The following LSAMP variants were observed in gnomAD, a reference collection of about 807,000 sequenced individuals.
LSAMP encodes the protein limbic system-associated membrane protein.
LSAMP carries 7 observed loss-of-function variants against 38.6 expected under a neutral mutation model. That is an observed-to-expected ratio of 0.18 (90% confidence interval 0.10 to 0.34). LSAMP has a LOEUF of 0.34. LSAMP is among the 10% of genes least tolerant of loss of function. The probability of loss-of-function intolerance (pLI) is 1.00; values close to 1 mark genes in which losing one functional copy is unlikely to be tolerated. For missense variants in LSAMP, 313 were observed against 420.0 expected, an observed-to-expected ratio of 0.75 and a Z score of 2.23; for synonymous variants, 154 against 166.8, an observed-to-expected ratio of 0.92 and a Z score of 0.59.
chr3:116,275,261 C>T (rs112113183), intron 1 of LSAMP, among the ~76,000 whole-genome samples: 10,491 of 151,998 alleles, frequency 0.069, 688 homozygotes, highest in African/African-American at 0.18. Flanking sequence ...CTATGTTGTC[C>T]AGGCTGGTCT....
At chr3:115,969,759 A>G (rs1474061662) in intron 3 of LSAMP, among the ~76,000 whole-genome samples, 1 of 152,222 alleles carries the variant, frequency 6.6e-6, no homozygotes, top group African/African-American at 2.4e-5. Context: ...CTTCTGGGGT[A>G]AGGCTCAGCA....
chr3:116,186,687 C>A (rs775732982), intron 1 of LSAMP, among the ~76,000 whole-genome samples: 13 of 152,146 alleles, frequency 8.5e-5, no homozygotes, highest in Non-Finnish European at 1.2e-4. Flanking sequence ...CATTTCTCCA[C>A]ACTCTTGCTT....
At chr3:116,267,175 C>T (rs1008811343) in intron 1 of LSAMP, among the ~76,000 whole-genome samples, 11 of 151,738 alleles carry the variant, frequency 7.2e-5, no homozygotes, top group African/African-American at 2.4e-4. Context: ...TTGAAGTTGG[C>T]GCCACTTGCA....
chr3:115,926,392 C>T (rs990473097), intron 3 of LSAMP, among the ~76,000 whole-genome samples: 18 of 152,152 alleles, frequency 1.2e-4, no homozygotes, highest in African/African-American at 3.9e-4. Flanking sequence ...GGAAATCACA[C>T]GGAAATGGTT....
chr3:115,976,727 T>C (rs978164412), intron 3 of LSAMP, among the ~76,000 whole-genome samples: 5 of 152,100 alleles, frequency 3.3e-5, no homozygotes, highest in East Asian at 3.9e-4. Context: ...GTTCTCATGA[T>C]AGTGAGTGAG....
intron 3 of LSAMP, among the ~76,000 whole-genome samples, chr3:115,962,967 T>C (rs1224478364): frequency 3.3e-5 from 5 of 152,170 alleles, no homozygotes; most frequent in Non-Finnish European, 1.5e-5. Context: ...GTTTAATAAA[T>C]TTGCAATAAA....
intron 3 of LSAMP, among the ~76,000 whole-genome samples, chr3:115,873,967 C>T (rs1936115373): frequency 6.6e-6 from 1 of 152,078 alleles, no homozygotes; most frequent in Non-Finnish European, 1.5e-5. Context: ...TGACTACTAC[C>T]CATTTGCAGG....
At chr3:116,290,761 T>G (rs2047255479) in intron 1 of LSAMP, among the ~76,000 whole-genome samples, 1 of 147,646 alleles carries the variant, frequency 6.8e-6, no homozygotes, top group African/African-American at 2.5e-5. Flanking sequence ...ATAATAATAA[T>G]AATAATAATA....
chr3:116,355,568 A>G (rs951819380), intron 1 of LSAMP, among the ~76,000 whole-genome samples: 1 of 152,208 alleles, frequency 6.6e-6, no homozygotes, highest in Admixed American at 6.5e-5. Context: ...ACAGGCAACT[A>G]AAGCAAAAAT....
At chr3:115,873,241 G>C (rs551100459) in intron 3 of LSAMP, among the ~76,000 whole-genome samples, 3 of 152,054 alleles carry the variant, frequency 2.0e-5, no homozygotes. Flanking sequence ...CTGGTAGCAT[G>C]TACCTGTAAT....
chr3:115,970,791 T>G (rs953021052), intron 3 of LSAMP, among the ~76,000 whole-genome samples: 1 of 152,216 alleles, frequency 6.6e-6, no homozygotes, highest in Non-Finnish European at 1.5e-5. Flanking sequence ...TACCTACTTA[T>G]TAAAACAGTA....
chr3:115,871,427 G>A (rs575718906), intron 3 of LSAMP, among the ~76,000 whole-genome samples: 1 of 152,104 alleles, frequency 6.6e-6, no homozygotes, highest in Admixed American at 6.6e-5. Flanking sequence ...ACCATTGAAG[G>A]TTTCAGAGGC....
At chr3:115,840,275 G>A (rs1240398433) in intron 6 of LSAMP, among the ~76,000 whole-genome samples, 1 of 152,038 alleles carries the variant, frequency 6.6e-6, no homozygotes, top group Non-Finnish European at 1.5e-5. Flanking sequence ...GTTTTTAAGT[G>A]AATGTTGTTC....
intron 1 of LSAMP, among the ~76,000 whole-genome samples, chr3:116,166,366 C>T (rs745675957): frequency 6.6e-6 from 1 of 152,188 alleles, no homozygotes; most frequent in Non-Finnish European, 1.5e-5. Context: ...GAAACTGAGG[C>T]ACAGAGATCT....
At chr3:116,062,174 T>C (rs1941605316) in intron 2 of LSAMP, among the ~76,000 whole-genome samples, 1 of 152,244 alleles carries the variant, frequency 6.6e-6, no homozygotes. Context: ...TCAGCTCTCC[T>C]GCCCTCCCCT....
intron 2 of LSAMP, among the ~76,000 whole-genome samples, chr3:116,057,957 C>CACACACACACACA (rs1553699978): frequency 2.6e-4 from 30 of 117,558 alleles, no homozygotes; most frequent in Non-Finnish European, 3.9e-4. Flanking sequence ...ACACACACAC[C>CACACACACACACA]CACACACACA....
chr3:116,002,252 G>A (rs4401357), intron 3 of LSAMP, among the ~76,000 whole-genome samples: 35,226 of 152,108 alleles, frequency 0.23, 4,464 homozygotes, highest in African/African-American at 0.33. Context: ...TTATGCCCTA[G>A]AGAGGGCAGT....
At chr3:115,820,022 C>CT (rs34311842) in intron 6 of LSAMP, among the ~76,000 whole-genome samples, 9,897 of 145,346 alleles carry the variant, frequency 0.068, 382 homozygotes, top group African/African-American at 0.1. Flanking sequence ...GAAATAAACA[C>CT]TTTTTTTTTT....
intron 1 of LSAMP, among the ~76,000 whole-genome samples, chr3:116,329,640 G>T (rs1471792034): frequency 1.3e-5 from 2 of 152,080 alleles, no homozygotes; most frequent in African/African-American, 4.8e-5. Context: ...AATTATTCCA[G>T]TACCAAGTAT....
Sources: allele counts gnomAD v4.1 joint callset (sites outside exome capture counted in the v4.1 genomes callset), GRCh38; gene constraint gnomAD v4.1.1; transcripts MANE v1.5; gene names NCBI Gene and HGNC (gene_info 2026-07-23, HGNC 2026-07-21).